Variants in PNMA3 observed in about 807,000 individuals in gnomAD.
PNMA3 encodes the protein PNMA family member 3.
In PNMA3, 10 loss-of-function variants were observed where a neutral mutation model predicts 25.1. That is an observed-to-expected ratio of 0.40 (90% confidence interval 0.25 to 0.68). The LOEUF is 0.68. PNMA3 is among the 30% of genes least tolerant of loss of function. PNMA3 has a pLI of 0.40. For synonymous variants in PNMA3, 134 were observed against 148.7 expected, an observed-to-expected ratio of 0.90 and a Z score of 0.72; for missense variants, 317 against 372.1, an observed-to-expected ratio of 0.85 and a Z score of 1.22.
Position 153,059,988 on chromosome X carries a change from C to G in PNMA3, c.*1541C>G, listed in dbSNP as rs2051172361. ...GTGACCGTGACTGTGGGAGGAAGAA[C>G]TGGACCCAGGACGGAGCGGGGCTGC... On this transcript the variant is annotated 3_prime_UTR_variant, in exon 2 of 2. Transcript: ENST00000593810. 2 of 124,806 alleles carry G rather than the reference C, an allele frequency of 1.6e-5. No homozygotes were observed. The highest frequency in any genetic ancestry group is 3.7e-5 in the Non-Finnish European group (2 of 53,562). The allele number at this position is 124,806 out of a possible 1,213,427, so 10.3% of individuals were successfully genotyped here. A position where few individuals can be genotyped will look rare whatever the true frequency, so the allele number is the denominator to read the frequency against.
At position 153,058,490 on chromosome X, in the gene PNMA3, G is replaced by T; in HGVS notation, c.*43G>T. The T allele has an allele frequency of 8.3e-7, 1 of 1,211,887 alleles. No individual in the cohort carries two copies. Reference sequence around the variant, plus strand: ...AACATTTCCTACCACAGGCCAAGGAGACAAAAGAGATATTGGAAGGAGGGG... The same window carrying T: ...AACATTTCCTACCACAGGCCAAGGATACAAAAGAGATATTGGAAGGAGGGG... On this transcript the variant is annotated 3_prime_UTR_variant, in exon 2 of 2. Coordinates refer to ENST00000593810, the MANE Select transcript of PNMA3 (RefSeq NM_013364.6).
Position 153,058,627 on chromosome X carries a change from C to T in PNMA3, c.*180C>T. ...GCCAGCTGGAAGGGACTTCAGCAAC[C>T]AAGACCACCTGGCAACAGGCTCAGT... On this transcript the variant is annotated 3_prime_UTR_variant, in exon 2 of 2. Transcript: ENST00000593810. 1 of 1,162,367 alleles carries T rather than the reference C, an allele frequency of 8.6e-7. No homozygotes were observed. Among genetic ancestry groups the T allele is most frequent in the Non-Finnish European group, 1.2e-6 (1 of 869,304 alleles).
intron 1 of PNMA3, 37 bp from the exon 2 acceptor site, chrX:153,056,913 G>T: frequency 2.4e-6 from 2 of 818,362 alleles, no homozygotes; most frequent in South Asian, 6.4e-5. Context: ...CGGAGAGGTG[G>T]GCATTAACCT....
chrX:153,058,147 G>A lies in PNMA3; in HGVS notation c.1092G>A (p.Gly364=). 8.3e-7 allele frequency: 1 copy of A among 1,212,055 alleles called. No homozygotes were observed. The highest frequency in any genetic ancestry group is 1.1e-6 in the Non-Finnish European group (1 of 895,564). Residue 364 remains glycine, a synonymous_variant, in exon 2 of 2, where the codon GGG becomes GGA. Transcript: ENST00000593810. ...PRPPARITGV[G]AVPLPASGNS... is the part of the protein sequence containing the mutation. ...CACCTGCCAGGATCACTGGGGTTGG[G>A]GCAGTACCTCTCCCTGCCTCTGGCA... is the stretch of plus-strand genomic sequence containing the variant.
Position 153,057,005 on chromosome X carries a change from C to T in PNMA3, c.-51C>T. On this transcript the variant is annotated 5_prime_UTR_variant, in exon 2 of 2. Transcript: ENST00000593810. Reference sequence around the variant, plus strand: ...CCTAGGAGTTGATCCAGATATGTGCCTCACGCCCTGATCACTCCCCCCAAA... The same window carrying T: ...CCTAGGAGTTGATCCAGATATGTGCTTCACGCCCTGATCACTCCCCCCAAA... 1 of 1,181,790 alleles carries T rather than the reference C, an allele frequency of 8.5e-7. No individual in the cohort carries two copies. The highest frequency in any genetic ancestry group is 1.1e-6 in the Non-Finnish European group (1 of 880,068).
Position 153,058,270 on chromosome X carries a change from A to T in PNMA3, c.1215A>T (p.Ser405=). ...TGGCAAGGGCTGGCTCTCGAGGCTC[A>T]AGAAAACGGAAACGCCACACATTCT... ...GGVARAGSRG[S]RKRKRHTFCY... is the part of the protein sequence containing the mutation. The change falls in exon 2 of 2, where the codon TCA becomes TCT. Residue 405 remains serine, a synonymous_variant. Coordinates refer to ENST00000593810, the MANE Select transcript of PNMA3 (RefSeq NM_013364.6). 8.2e-7 allele frequency: 1 copy of T among 1,212,185 alleles called. No individual in the cohort carries two copies. The highest frequency in any genetic ancestry group is 1.8e-5 in the South Asian group (1 of 57,022).
rs782557662 is a variant in PNMA3 at position 153,058,543 on chromosome X, G to A, written c.*96G>A. On this transcript the variant is annotated 3_prime_UTR_variant, in exon 2 of 2. Transcript: ENST00000593810. ...AGAGAAGCCCAGACAAACAGCAGAT[G>A]AGTTGAGTGGGGCAGAGGGACAGGG... 8.3e-7 allele frequency: 1 copy of A among 1,205,286 alleles called. No individual in the cohort carries two copies. The highest frequency in any genetic ancestry group is 1.7e-5 in the African/African-American group (1 of 57,765).
rs1482021610 is a variant in PNMA3 at position 153,058,263 on chromosome X, G to C, written c.1208G>C (p.Arg403Pro). 3 of 1,210,987 alleles carry C rather than the reference G, an allele frequency of 2.5e-6. No individual in the cohort carries two copies. Among genetic ancestry groups the C allele is most frequent in the Non-Finnish European group, 3.4e-6 (3 of 895,367 alleles). ...RRGGVARAGS[R>P]GSRKRKRHTF... ...GGTGGTGTGGCAAGGGCTGGCTCTC[G>C]AGGCTCAAGAAAACGGAAACGCCAC... is the stretch of plus-strand genomic sequence containing the variant. The change falls in exon 2 of 2, where the codon CGA becomes CCA. Residue 403 changes from arginine (R) to proline (P), a missense_variant. Physicochemically the swap from Arg to Pro is moderately radical, Grantham distance 103 (BLOSUM62 -2). Transcript: ENST00000593810.
rs1176088000 is a variant in PNMA3 at position 153,060,340 on chromosome X, CGGGACCTGTGT to C, written c.*1905_*1915del. On this transcript the variant is annotated 3_prime_UTR_variant, in exon 2 of 2. Transcript: ENST00000593810. Reference sequence around the variant, plus strand: ...CCAGGAACCTCAGGAGGAGGGGGCCCGGGACCTGTGTGGGACCTGTGTCCTGTGGTGGCCGT... The same window carrying C: ...CCAGGAACCTCAGGAGGAGGGGGCCCGGGACCTGTGTCCTGTGGTGGCCGT... 1.6e-5 allele frequency: 2 copies of C among 124,206 alleles called. No homozygotes were observed. Among genetic ancestry groups the C allele is most frequent in the Non-Finnish European group, 3.7e-5 (2 of 53,442 alleles). The allele number at this position is 124,206 out of a possible 1,213,427, so 10.2% of individuals were successfully genotyped here. A position where few individuals can be genotyped will look rare whatever the true frequency, so the allele number is the denominator to read the frequency against.
rs1431899135 is a variant in PNMA3 at position 153,058,028 on chromosome X, G to T, written c.973G>T (p.Ala325Ser). ...KQRRKPPGFL[A>S]LVKLLREEEE... ...GCGAAGGAAGCCTCCTGGTTTCCTG[G>T]CCCTGGTGAAGCTCCTGCGTGAGGA... The change falls in exon 2 of 2, where the codon GCC (alanine) becomes TCC (serine). Residue 325 changes from alanine to serine, a missense_variant. Ala to Ser is a moderately conservative substitution (Grantham distance 99, BLOSUM62 1). Coordinates refer to ENST00000593810, the MANE Select transcript of PNMA3 (RefSeq NM_013364.6). The T allele has an allele frequency of 2.5e-6, 3 of 1,210,798 alleles. No individual in the cohort carries two copies. The highest frequency in any genetic ancestry group is 3.4e-6 in the Non-Finnish European group (3 of 895,395).
Position 153,058,894 on chromosome X carries a change from C to G in PNMA3, c.*447C>G, listed in dbSNP as rs2051163167. 1 of 281,169 alleles carries G rather than the reference C, an allele frequency of 3.6e-6. No homozygotes were observed. The highest frequency in any genetic ancestry group is 7.9e-5 in the South Asian group (1 of 12,635). The allele number at this position is 281,169 out of a possible 1,213,427, so 23.2% of individuals were successfully genotyped here. The stretch of plus-strand genomic sequence containing the variant: ...GGACCTGGAGGAGCCTACCTGGGGC[C>G]TGCCCCTGCCAGCAGGTGCCAGGGC... On this transcript the variant is annotated 3_prime_UTR_variant, in exon 2 of 2. Transcript: ENST00000593810.
At position 153,058,028 on chromosome X, in the gene PNMA3, GC is replaced by G; in HGVS notation, c.976del (p.Leu326TrpfsTer2). On this transcript the variant is annotated frameshift_variant, in exon 2 of 2. Coordinates refer to ENST00000593810, the MANE Select transcript of PNMA3 (RefSeq NM_013364.6). LOFTEE classifies it high-confidence loss of function. ...GCGAAGGAAGCCTCCTGGTTTCCTG[GC>G]CCTGGTGAAGCTCCTGCGTGAGGAG... ...KQRRKPPGFL[A>X]LVKLLREEEE... The G allele has an allele frequency of 8.2e-7, 1 of 1,212,183 alleles. No individual in the cohort carries two copies. Among genetic ancestry groups the G allele is most frequent in the Non-Finnish European group, 1.1e-6 (1 of 895,618 alleles).
Position 153,058,894 on chromosome X carries a change from C to T in PNMA3, c.*447C>T. The T allele has an allele frequency of 3.5e-6, 1 of 282,511 alleles. No homozygotes were observed. Among genetic ancestry groups the T allele is most frequent in the Non-Finnish European group, 6.6e-6 (1 of 151,859 alleles). 23.3% of individuals were successfully genotyped at this position (282,511 alleles called of 1,213,427 possible). A position where few individuals can be genotyped will look rare whatever the true frequency, so the allele number is the denominator to read the frequency against. ...GGACCTGGAGGAGCCTACCTGGGGCCTGCCCCTGCCAGCAGGTGCCAGGGC... is the reference window on the plus strand; with the variant it reads ...GGACCTGGAGGAGCCTACCTGGGGCTTGCCCCTGCCAGCAGGTGCCAGGGC... On this transcript the variant is annotated 3_prime_UTR_variant, in exon 2 of 2. Transcript: ENST00000593810.
rs1370122941 is a variant in PNMA3 at position 153,058,003 on chromosome X, G to T, written c.948G>T (p.Gln316His). The T allele has an allele frequency of 1.6e-6, 2 of 1,212,334 alleles. No individual in the cohort carries two copies. The highest frequency in any genetic ancestry group is 3.5e-5 in the African/African-American group (2 of 57,969). The change falls in exon 2 of 2, where the codon CAG becomes CAT. Residue 316 changes from glutamine (Q) to histidine (H), a missense_variant. Gln to His is a conservative substitution (Grantham distance 24). Coordinates refer to ENST00000593810, the MANE Select transcript of PNMA3 (RefSeq NM_013364.6). ...KLRDKLKLMK[Q>H]RRKPPGFLAL... is the part of the protein sequence containing the mutation. Reference sequence around the variant, plus strand: ...GAGATAAGCTTAAGCTGATGAAACAGCGAAGGAAGCCTCCTGGTTTCCTGG... The same window carrying T: ...GAGATAAGCTTAAGCTGATGAAACATCGAAGGAAGCCTCCTGGTTTCCTGG...
Position 153,059,672 on chromosome X carries a change from G to A in PNMA3, c.*1225G>A, listed in dbSNP as rs782322381. ...AGCAGACGCCCACCCACCGCTAGCC[G>A]TTGTTCCTGTGCAAAGTAGTGTGCT... On this transcript the variant is annotated 3_prime_UTR_variant, in exon 2 of 2. Coordinates refer to ENST00000593810, the MANE Select transcript of PNMA3 (RefSeq NM_013364.6). 7 of 124,420 alleles carry A rather than the reference G, an allele frequency of 5.6e-5. No individual in the cohort carries two copies. The highest frequency in any genetic ancestry group is 1.6e-4 in the African/African-American group (5 of 31,209). The allele number at this position is 124,420 out of a possible 1,213,427, so 10.3% of individuals were successfully genotyped here. A position where few individuals can be genotyped will look rare whatever the true frequency, so the allele number is the denominator to read the frequency against.
Position 153,058,315 on chromosome X carries a change from C to G in PNMA3, c.1260C>G (p.Asp420Glu). 3 of 1,211,800 alleles carry G rather than the reference C, an allele frequency of 2.5e-6. No individual in the cohort carries two copies. The highest frequency in any genetic ancestry group is 3.4e-6 in the Non-Finnish European group (3 of 895,299). The stretch of plus-strand genomic sequence containing the variant: ...CATTCTGCTATAGCTGTGGGGAAGA[C>G]GGCCACATCAGGGTACAGTGCATCA... Reference protein sequence around the residue: ...RHTFCYSCGEDGHIRVQCINP... With the variant: ...RHTFCYSCGEEGHIRVQCINP... The change falls in exon 2 of 2, where the codon GAC (aspartate) becomes GAG (glutamate). Residue 420 changes from aspartate (D) to glutamate (E), a missense_variant. Physicochemically the swap from Asp to Glu is conservative, Grantham distance 45 (BLOSUM62 2). Coordinates refer to ENST00000593810, the MANE Select transcript of PNMA3 (RefSeq NM_013364.6).
Position 153,056,917 on chromosome X carries a change from T to G in PNMA3, c.-106-33T>G. The stretch of plus-strand genomic sequence containing the variant: ...ATGTGGGCGTGCGGAGAGGTGGGCA[T>G]TAACCTCGCTCTCGCCCTGCTCGCA... On this transcript the variant is annotated intron_variant, in intron 1 of 1. Coordinates refer to ENST00000593810, the MANE Select transcript of PNMA3 (RefSeq NM_013364.6). The G allele has an allele frequency of 3.4e-6, 3 of 872,853 alleles. No individual in the cohort carries two copies. In the South Asian group the frequency reaches 8.9e-5, roughly 26 times the overall value. The allele number at this position is 872,853 out of a possible 1,213,427, so 71.9% of individuals were successfully genotyped here. A position where few individuals can be genotyped will look rare whatever the true frequency, so the allele number is the denominator to read the frequency against.
At chrX:153,056,816 G>A (rs1257766177) in intron 1 of PNMA3, 134 bp from the exon 2 acceptor site, 8 of 343,824 alleles carry the variant, frequency 2.3e-5, no homozygotes, top group African/African-American at 2.1e-4. Context: ...GGGGGGCTGG[G>A]CAGGGGCGGG....
chrX:153,059,152 G>A lies in PNMA3; in HGVS notation c.*705G>A, dbSNP rs1016949490. On this transcript the variant is annotated 3_prime_UTR_variant, in exon 2 of 2. Coordinates refer to ENST00000593810, the MANE Select transcript of PNMA3 (RefSeq NM_013364.6). ...TGAGAAGACCCCCAGCAGGGGTACT[G>A]GGTACCCGGCAGGCCAGTGCCCTCA... 1.6e-5 allele frequency: 2 copies of A among 125,012 alleles called. No homozygotes were observed. The highest frequency in any genetic ancestry group is 6.5e-5 in the African/African-American group (2 of 30,779). 10.3% of individuals were successfully genotyped at this position (125,012 alleles called of 1,213,427 possible).
Sources: allele counts gnomAD v4.1 joint callset, GRCh38; gene constraint gnomAD v4.1.1; transcripts MANE v1.5; gene names NCBI Gene and HGNC (gene_info 2026-07-23, HGNC 2026-07-21).